Variants in ZZEF1 observed in about 807,000 individuals in gnomAD.
ZZEF1 encodes the protein zinc finger ZZ-type and EF-hand domain containing 1.
ZZEF1 carries 157 observed loss-of-function variants against 342.8 expected under a neutral mutation model. That is an observed-to-expected ratio of 0.46 (90% CI 0.40 to 0.52). The LOEUF (loss-of-function observed/expected upper bound fraction) is 0.52. Among genes scored for constraint, ZZEF1 ranks in the 20% least tolerant of loss-of-function variants. The probability of loss-of-function intolerance (pLI) is 0.00; values close to 1 mark genes in which losing one functional copy is unlikely to be tolerated. For synonymous variants in ZZEF1, 1,505 were observed against 1,429.1 expected (o/e 1.05, Z -1.20); for missense variants, 3,480 against 3,725.6 (o/e 0.93, Z 1.72).
At chr17:4,097,476 G>GAA (rs1190162683) in intron 9 of ZZEF1, among the ~76,000 whole-genome samples, 1 of 113,958 alleles carries the variant, frequency 8.8e-6, no homozygotes, top group African/African-American at 3.3e-5. Context: ...CTTTGAAATG[G>GAA]GAAAAAAAAA....
chr17:4,112,068 A>G lies in ZZEF1; in HGVS notation c.1066+541T>C, dbSNP rs867102807. 2.1e-3 allele frequency among the ~76,000 whole-genome samples: 102 copies of G among 47,692 alleles called. 4 individuals are homozygous for G. Among genetic ancestry groups the G allele is most frequent in the African/African-American group, 0.011 (100 of 9,000 alleles). The allele number at this position is 47,692 out of a possible 152,430, so 31.3% of individuals were successfully genotyped here. Reference sequence around the variant, plus strand: ...TATATATATATATATATATATATATATATATATATATATATATATATATAT... The same window carrying G: ...TATATATATATATATATATATATATGTATATATATATATATATATATATAT... On this transcript the variant is annotated intron_variant, in intron 5 of 54. Coordinates refer to ENST00000381638, the MANE Select transcript of ZZEF1 (RefSeq NM_015113.4).
intron 37 of ZZEF1, among the ~76,000 whole-genome samples, chr17:4,047,153 A>G (rs965830719): frequency 2.6e-5 from 4 of 152,202 alleles, no homozygotes; most frequent in Non-Finnish European, 5.9e-5. Flanking sequence ...GCTCAAGAAT[A>G]AAAACAGTGC....
intron 2 of ZZEF1, among the ~76,000 whole-genome samples, chr17:4,121,361 C>T (rs149284302): frequency 5.6e-4 from 85 of 152,280 alleles, no homozygotes; most frequent in Non-Finnish European, 9.6e-4. Flanking sequence ...CAGTGGCTCA[C>T]GCCTGTAATC....
At chr17:4,023,624 A>C (rs2056325687) in intron 43 of ZZEF1, among the ~76,000 whole-genome samples, 2 of 136,486 alleles carry the variant, frequency 1.5e-5, no homozygotes, top group African/African-American at 5.7e-5. Flanking sequence ...GTTCAAGAGC[A>C]GCCTGGGAAA....
intron 38 of ZZEF1, among the ~76,000 whole-genome samples, chr17:4,043,100 C>T (rs1342994133): frequency 6.6e-6 from 1 of 152,222 alleles, no homozygotes; most frequent in Non-Finnish European, 1.5e-5. Context: ...GCTCTCTTAC[C>T]CCCGCCCTCC....
chr17:4,088,955 G>A, intron 12 of ZZEF1, 62 bp from the exon 13 acceptor site: 1 of 1,532,958 alleles, frequency 6.5e-7, no homozygotes, highest in Non-Finnish European at 8.9e-7. Context: ...TGATTAAAGA[G>A]GGAAAAAGGC....
At chr17:4,118,354 G>A (rs72827376) in intron 2 of ZZEF1, among the ~76,000 whole-genome samples, 1 of 152,266 alleles carries the variant, frequency 6.6e-6, no homozygotes, top group Non-Finnish European at 1.5e-5. Flanking sequence ...CCAAGGCCCG[G>A]AGCTGTCTCT....
At chr17:4,025,146 A>G in intron 42 of ZZEF1, 28 bp from the exon 43 acceptor site, 1 of 1,605,484 alleles carries the variant, frequency 6.2e-7, no homozygotes, top group Non-Finnish European at 8.5e-7. Flanking sequence ...GCAGAAAAAG[A>G]AAGGCACAAA....
intron 32 of ZZEF1, 131 bp from the exon 33 acceptor site, chr17:4,056,476 T>G: frequency 4.2e-6 from 4 of 947,272 alleles, no homozygotes; most frequent in Non-Finnish European, 5.7e-6. Context: ...AAAGGTCAAC[T>G]GCTTTTCAAA....
At chr17:4,140,321 T>C (rs1301343984) in intron 1 of ZZEF1, among the ~76,000 whole-genome samples, 1 of 152,250 alleles carries the variant, frequency 6.6e-6, no homozygotes, top group Non-Finnish European at 1.5e-5. Context: ...TGAAACGCTG[T>C]TACTACCTCC....
chr17:4,106,305 T>G (rs1175124917), intron 6 of ZZEF1, among the ~76,000 whole-genome samples: 8 of 152,136 alleles, frequency 5.3e-5, no homozygotes, highest in Admixed American at 1.3e-4. Flanking sequence ...GGTTTTGTGT[T>G]TGTTTGTTTC....
chr17:4,081,507 T>C lies in ZZEF1; in HGVS notation c.2715-17A>G, dbSNP rs1413691151. The stretch of plus-strand genomic sequence containing the variant: ...TCCTTGTCACTGAAAGGATACAAAT[T>C]AGTCATGACACCTGGCTTCAGGAGA... On this transcript the variant is annotated splice_polypyrimidine_tract_variant and intron_variant, in intron 17 of 54. Coordinates refer to ENST00000381638, the MANE Select transcript of ZZEF1 (RefSeq NM_015113.4). The C allele has an allele frequency of 6.3e-7, 1 of 1,587,080 alleles. No individual in the cohort carries two copies. The highest frequency in any genetic ancestry group is 1.7e-5 in the Admixed American group (1 of 59,708).
At chr17:4,045,611 G>A (rs906186671) in intron 37 of ZZEF1, among the ~76,000 whole-genome samples, 1 of 152,160 alleles carries the variant, frequency 6.6e-6, no homozygotes, top group Non-Finnish European at 1.5e-5. Flanking sequence ...TCTGTGGGCT[G>A]TGGGACAGAG....
Position 4,021,489 on chromosome 17 carries a change from C to T in ZZEF1, c.7213-169G>A, listed in dbSNP as rs925413421. 1.7e-4 allele frequency among the ~76,000 whole-genome samples: 26 copies of T among 152,124 alleles called. 1 individual carries two copies. Among genetic ancestry groups the T allele is most frequent in the African/African-American group, 6.3e-4 (26 of 41,432 alleles). The stretch of plus-strand genomic sequence containing the variant: ...ATGTATGTTTAATTACACTTTGTGA[C>T]CGAAGAAATACTAACTGAACACTAT... On this transcript the variant is annotated intron_variant, in intron 44 of 54. Coordinates refer to ENST00000381638, the MANE Select transcript of ZZEF1 (RefSeq NM_015113.4).
intron 1 of ZZEF1, among the ~76,000 whole-genome samples, chr17:4,141,653 T>C (rs949988723): frequency 1.3e-5 from 2 of 151,828 alleles, no homozygotes; most frequent in African/African-American, 2.4e-5. Flanking sequence ...CGTTTACCTA[T>C]GTAATACATC....
intron 1 of ZZEF1, among the ~76,000 whole-genome samples, chr17:4,130,657 G>A (rs746374141): frequency 6.6e-6 from 1 of 152,038 alleles, no homozygotes; most frequent in Non-Finnish European, 1.5e-5. Flanking sequence ...GAAAAGTGAA[G>A]GGAAATCCGG....
At chr17:4,112,833 T>C in intron 4 of ZZEF1, 25 bp from the exon 5 acceptor site, 1 of 1,529,862 alleles carries the variant, frequency 6.5e-7, no homozygotes, top group East Asian at 2.3e-5. Flanking sequence ...AAGCAGAAAT[T>C]ACAAATGTTT....
chr17:4,116,300 G>A (rs903605080), intron 3 of ZZEF1, among the ~76,000 whole-genome samples: 6 of 152,168 alleles, frequency 3.9e-5, no homozygotes, highest in Non-Finnish European at 7.3e-5. Context: ...CAACAAGAAC[G>A]AAACTCAGTC....
chr17:4,067,026 C>G (rs78351312), intron 27 of ZZEF1, 137 bp downstream of exon 27: 1 of 666,130 alleles, frequency 1.5e-6, no homozygotes, highest in African/African-American at 1.9e-5. Flanking sequence ...TGTTTTATAT[C>G]TATTCATGTC....
Sources: allele counts gnomAD v4.1 joint callset (sites outside exome capture counted in the v4.1 genomes callset), GRCh38; gene constraint gnomAD v4.1.1; transcripts MANE v1.5; gene names NCBI Gene and HGNC (gene_info 2026-07-23, HGNC 2026-07-21).